The following KCNH8 variants were observed in gnomAD, a reference collection of about 807,000 sequenced individuals.
KCNH8 encodes potassium voltage-gated channel subfamily H member 8, also known as voltage-gated delayed rectifier potassium channel KCNH8.
A neutral mutation model predicts 103.6 loss-of-function variants in KCNH8; 70 were observed. That is an observed-to-expected ratio of 0.68 (90% confidence interval 0.56 to 0.82). The LOEUF (loss-of-function observed/expected upper bound fraction) is 0.82, where lower values mean the gene tolerates loss of function less well. Among genes scored for constraint, KCNH8 ranks in the 40% least tolerant of loss-of-function variants. The pLI, the probability that KCNH8 is intolerant of heterozygous loss-of-function variation, is 0.00. For missense variants in KCNH8, 1,217 were observed against 1,329.9 expected (o/e 0.92, Z 1.32); for synonymous variants, 498 against 489.4 (o/e 1.02, Z -0.23).
chr3:19,330,627 G>T (rs2065492654), intron 3 of KCNH8, among the ~76,000 whole-genome samples: 1 of 152,174 alleles, frequency 6.6e-6, no homozygotes, highest in Non-Finnish European at 1.5e-5. Flanking sequence ...ATACTATCAG[G>T]AAGTTAATGC....
chr3:19,152,167 C>T (rs2063137131), intron 1 of KCNH8, among the ~76,000 whole-genome samples: 1 of 151,834 alleles, frequency 6.6e-6, no homozygotes, highest in African/African-American at 2.4e-5. Flanking sequence ...AACATATTTG[C>T]TGTAATTTAA....
chr3:19,214,040 G>C (rs1202700120), intron 1 of KCNH8, among the ~76,000 whole-genome samples: 1 of 152,178 alleles, frequency 6.6e-6, no homozygotes, highest in Non-Finnish European at 1.5e-5. Flanking sequence ...CTGCCCGTGG[G>C]ATTAGTTGCT....
chr3:19,203,164 C>A (rs1195250435), intron 1 of KCNH8, among the ~76,000 whole-genome samples: 2 of 152,028 alleles, frequency 1.3e-5, no homozygotes, highest in Middle Eastern at 3.4e-3. Context: ...ATAATGAGAG[C>A]CCCCCTTGTG....
intron 3 of KCNH8, among the ~76,000 whole-genome samples, chr3:19,298,426 C>A (rs569051831): frequency 1.3e-5 from 2 of 152,264 alleles, no homozygotes; most frequent in South Asian, 4.1e-4. Flanking sequence ...AATAGTATAT[C>A]TTTCATATAG....
chr3:19,296,032 T>G (rs1390055576), intron 3 of KCNH8, among the ~76,000 whole-genome samples: 1 of 152,162 alleles, frequency 6.6e-6, no homozygotes, highest in Non-Finnish European at 1.5e-5. Flanking sequence ...TCAATCCTGC[T>G]TATCTCCCCA....
intron 1 of KCNH8, among the ~76,000 whole-genome samples, chr3:19,242,743 T>C (rs934767020): frequency 1.4e-4 from 22 of 152,194 alleles, no homozygotes; most frequent in Non-Finnish European, 2.8e-4. Context: ...CACCAGGTCC[T>C]ATACCTTGGA....
intron 5 of KCNH8, among the ~76,000 whole-genome samples, chr3:19,388,462 C>T (rs529518490): frequency 6.5e-4 from 99 of 152,062 alleles, no homozygotes; most frequent in Non-Finnish European, 1.3e-3. Context: ...GTCTCCCTCA[C>T]GGTGGCCATG....
chr3:19,500,802 G>C (rs1002265594), intron 11 of KCNH8, among the ~76,000 whole-genome samples: 8 of 152,042 alleles, frequency 5.3e-5, no homozygotes, highest in Non-Finnish European at 8.8e-5. Context: ...GAAATTTATA[G>C]CACTAAATGC....
intron 11 of KCNH8, among the ~76,000 whole-genome samples, chr3:19,504,333 A>G (rs2068650015): frequency 6.6e-6 from 1 of 152,252 alleles, no homozygotes; most frequent in Non-Finnish European, 1.5e-5. Flanking sequence ...GCAAAAATTA[A>G]TGAGTGGGAT....
At chr3:19,204,209 T>C (rs1264871899) in intron 1 of KCNH8, among the ~76,000 whole-genome samples, 1 of 152,074 alleles carries the variant, frequency 6.6e-6, no homozygotes, top group Non-Finnish European at 1.5e-5. Flanking sequence ...AAGCTACTAC[T>C]TTCTGTCTCT....
intron 14 of KCNH8, among the ~76,000 whole-genome samples, chr3:19,516,254 C>G (rs1308346971): frequency 6.6e-6 from 1 of 151,968 alleles, no homozygotes; most frequent in African/African-American, 2.4e-5. Flanking sequence ...TGAACAAAGC[C>G]AAGCCCAAGA....
Position 19,218,573 on chromosome 3 carries a change from C to T in KCNH8, c.77-35081C>T, listed in dbSNP as rs547611504. Among the ~76,000 whole-genome samples, 31 of 152,306 alleles carry T rather than the reference C, an allele frequency of 2.0e-4. No homozygotes were observed. The South Asian group carries it at 5.2e-3, about 25-fold the overall frequency. The stretch of plus-strand genomic sequence containing the variant: ...TGTTTAAAGTCCCTGCGGTAAGACT[C>T]TTCATCATCTGGTCCTTCACTTTCT... On this transcript the variant is annotated intron_variant, in intron 1 of 15. Coordinates refer to ENST00000328405, the MANE Select transcript of KCNH8 (RefSeq NM_144633.3).
chr3:19,313,309 A>G (rs75674398), intron 3 of KCNH8, among the ~76,000 whole-genome samples: 2 of 151,832 alleles, frequency 1.3e-5, no homozygotes, highest in Non-Finnish European at 2.9e-5. Flanking sequence ...GTAAAAAAAA[A>G]TCCCAGGAGT....
intron 1 of KCNH8, among the ~76,000 whole-genome samples, chr3:19,186,811 G>A (rs1172018369): frequency 1.3e-5 from 2 of 151,994 alleles, no homozygotes; most frequent in Non-Finnish European, 2.9e-5. Context: ...ATTACAGAGA[G>A]GGGTGAAGGA....
At chr3:19,346,756 A>T (rs566451260) in intron 4 of KCNH8, 2 of 451,180 alleles carry the variant, frequency 4.4e-6, no homozygotes, top group Admixed American at 4.8e-5. Context: ...TCGGGAATTT[A>T]TAACTGCTCT....
chr3:19,204,671 T>C (rs1363412232), intron 1 of KCNH8, among the ~76,000 whole-genome samples: 2 of 152,112 alleles, frequency 1.3e-5, no homozygotes, highest in African/African-American at 4.8e-5. Context: ...ACTTGAAAGA[T>C]GTTTTCTTTA....
In KCNH8 at chr3:19,288,699, A is replaced by C. The variant is rs2064872782; in HGVS notation, c.442+7370A>C. 2.0e-5 allele frequency among the ~76,000 whole-genome samples: 3 copies of C among 152,132 alleles called. No homozygotes were observed. The South Asian group carries it at 6.2e-4, about 32-fold the overall frequency. On this transcript the variant is annotated intron_variant, in intron 3 of 15. Transcript: ENST00000328405. Reference sequence around the variant, plus strand: ...AGTGCCGCAATAAACATACGTGTACATGTGTCTTTATAGCAGCATGATTTA... The same window carrying C: ...AGTGCCGCAATAAACATACGTGTACCTGTGTCTTTATAGCAGCATGATTTA...
intron 3 of KCNH8, among the ~76,000 whole-genome samples, chr3:19,285,936 G>T (rs938341473): frequency 1.3e-5 from 2 of 152,192 alleles, no homozygotes; most frequent in African/African-American, 2.4e-5. Flanking sequence ...GAGTCAAGGA[G>T]AACTTCACAG....
intron 5 of KCNH8, among the ~76,000 whole-genome samples, chr3:19,386,623 GT>G (rs2066360400): frequency 6.6e-6 from 1 of 152,030 alleles, no homozygotes; most frequent in South Asian, 2.1e-4. Context: ...CTTATGGACA[GT>G]TGTGCAAATT....
Sources: allele counts gnomAD v4.1 joint callset (sites outside exome capture counted in the v4.1 genomes callset), GRCh38; gene constraint gnomAD v4.1.1; transcripts MANE v1.5; gene names NCBI Gene and HGNC (gene_info 2026-07-23, HGNC 2026-07-21).